Variants in PIEZO2 observed in about 807,000 individuals in gnomAD.
PIEZO2 encodes piezo-type mechanosensitive ion channel component 2.
A neutral mutation model predicts 337.3 loss-of-function variants in PIEZO2; 172 were observed. The observed-to-expected ratio is 0.51, with a 90% CI of 0.45 to 0.58. The LOEUF (loss-of-function observed/expected upper bound fraction) is 0.58. Among genes scored for constraint, PIEZO2 ranks in the 20% least tolerant of loss-of-function variants. PIEZO2 has a pLI of 0.00. For synonymous variants in PIEZO2, 1,251 were observed against 1,228.5 expected, an observed-to-expected ratio of 1.02 and a Z score of -0.38; for missense variants, 3,028 against 3,391.3, an observed-to-expected ratio of 0.89 and a Z score of 2.66.
chr18:10,840,071 G>C (rs76135616), intron 7 of PIEZO2, among the ~76,000 whole-genome samples: 8,840 of 152,186 alleles, frequency 0.058, 361 homozygotes, highest in Non-Finnish European at 0.084. Flanking sequence ...TATTGTGGTA[G>C]CATGACCTGA....
intron 1 of PIEZO2, among the ~76,000 whole-genome samples, chr18:11,086,769 T>A (rs965017515): frequency 1.4e-5 from 2 of 147,954 alleles, no homozygotes; most frequent in African/African-American, 2.5e-5. Context: ...TTTTTTTTTT[T>A]AACAGGAAGA....
At chr18:10,865,490 A>G (rs1370929423) in intron 5 of PIEZO2, among the ~76,000 whole-genome samples, 1 of 152,152 alleles carries the variant, frequency 6.6e-6, no homozygotes, top group Non-Finnish European at 1.5e-5. Flanking sequence ...AATTCAAAGG[A>G]TTTGTTGGTG....
chr18:10,813,259 G>A lies in PIEZO2; in HGVS notation c.918-5985C>T, dbSNP rs1391164889. Among the ~76,000 whole-genome samples, 1 of 152,200 alleles carries A rather than the reference G, an allele frequency of 6.6e-6. No individual in the cohort carries two copies. Among genetic ancestry groups the A allele is most frequent in the Admixed American group, 6.5e-5 (1 of 15,276 alleles). On this transcript the variant is annotated intron_variant, in intron 7 of 55. Coordinates refer to ENST00000674853, the MANE Select transcript of PIEZO2 (RefSeq NM_001378183.1). This position sits in a 1 kb window ranked among gnomAD's most constrained non-coding sequence, Gnocchi z 4.2. ...CTCCCAAAGTGCTGGCATTACAGGA[G>A]TGAGCCACCGCGCCCGGGCCATTTT...
In PIEZO2 at chr18:10,701,100, G is replaced by T. The variant is rs758108245; in HGVS notation, c.6441+889C>A. On this transcript the variant is annotated intron_variant, in intron 43 of 55. Coordinates refer to ENST00000674853, the MANE Select transcript of PIEZO2 (RefSeq NM_001378183.1). ...GTATGTATTAACTTATGCCAAGCCT[G>T]GTTCTAAAAAGGATTCTAGGGACTA... is the stretch of plus-strand genomic sequence containing the variant. Among the ~76,000 whole-genome samples the T allele has an allele frequency of 3.4e-4, 52 of 152,272 alleles. 2 individuals carry two copies. Among genetic ancestry groups the T allele is most frequent in the Admixed American group, 2.2e-3 (34 of 15,290 alleles).
At chr18:10,881,482 G>T (rs1247128273) in intron 4 of PIEZO2, among the ~76,000 whole-genome samples, 1 of 152,196 alleles carries the variant, frequency 6.6e-6, no homozygotes, top group Non-Finnish European at 1.5e-5. Flanking sequence ...GGGCCAAGGG[G>T]ACCATCACTT....
In PIEZO2 at chr18:10,714,989, T is replaced by C. The variant is rs778048485; in HGVS notation, c.5257-59A>G. ...GGAGGCATCTACCTGTATAGCCACC[T>C]GGCATTTCTCAACACAGACAGCTTT... On this transcript the variant is annotated intron_variant, in intron 38 of 55. Coordinates refer to ENST00000674853, the MANE Select transcript of PIEZO2 (RefSeq NM_001378183.1). The C allele has an allele frequency of 1.1e-4, 163 of 1,491,810 alleles. 1 individual carries two copies. Among genetic ancestry groups the C allele is most frequent in the Non-Finnish European group, 1.4e-4 (161 of 1,113,578 alleles). 92.4% of individuals were successfully genotyped at this position (1,491,810 alleles called of 1,614,324 possible). A position where few individuals can be genotyped will look rare whatever the true frequency, so the allele number is the denominator to read the frequency against.
chr18:10,681,034 C>A (rs576400009), intron 51 of PIEZO2, among the ~76,000 whole-genome samples: 2 of 152,152 alleles, frequency 1.3e-5, no homozygotes, highest in African/African-American at 4.8e-5. Context: ...AAAATAATAG[C>A]CTTTTTAAAA....
chr18:10,747,208 A>C (rs2037459196), intron 30 of PIEZO2, among the ~76,000 whole-genome samples: 1 of 152,210 alleles, frequency 6.6e-6, no homozygotes, highest in Non-Finnish European at 1.5e-5. Flanking sequence ...TTTGGGAAAA[A>C]GACACCGGGG....
chr18:10,801,387 A>G lies in PIEZO2; in HGVS notation c.1239+3T>C. 6.7e-7 allele frequency: 1 copy of G among 1,488,598 alleles called. No homozygotes were observed. The highest frequency in any genetic ancestry group is 9.1e-7 in the Non-Finnish European group (1 of 1,102,326). The allele number at this position is 1,488,598 out of a possible 1,614,324, so 92.2% of individuals were successfully genotyped here. On this transcript the variant is annotated splice_donor_region_variant and intron_variant, in intron 10 of 55. Transcript: ENST00000674853. ...TAAATGATAATTCTAAGGGTATACTAACATCAGATGGTTTGTAGTCATCCT... is the reference window on the plus strand; with the variant it reads ...TAAATGATAATTCTAAGGGTATACTGACATCAGATGGTTTGTAGTCATCCT...
intron 47 of PIEZO2, among the ~76,000 whole-genome samples, chr18:10,694,969 G>C (rs576766099): frequency 6.6e-5 from 10 of 152,328 alleles, no homozygotes; most frequent in Non-Finnish European, 1.2e-4. Flanking sequence ...GGCTCCCCAG[G>C]CCAGTGACGA....
chr18:11,140,842 A>G (rs1018716862), intron 1 of PIEZO2, among the ~76,000 whole-genome samples: 3 of 152,220 alleles, frequency 2.0e-5, no homozygotes, highest in Admixed American at 1.3e-4. Context: ...TCCTACACTC[A>G]GGCTAACTGG....
At chr18:11,085,364 C>T (rs879573619) in intron 1 of PIEZO2, among the ~76,000 whole-genome samples, 1 of 152,136 alleles carries the variant, frequency 6.6e-6, no homozygotes, top group African/African-American at 2.4e-5. Flanking sequence ...ACTCCAGTCA[C>T]CTGCTTGCCC....
At chr18:10,690,697 G>A (rs1466175571) in intron 48 of PIEZO2, among the ~76,000 whole-genome samples, 8 of 152,182 alleles carry the variant, frequency 5.3e-5, no homozygotes, top group South Asian at 2.1e-4. Flanking sequence ...ACAGAGAGGA[G>A]ATGCTACTGC....
intron 49 of PIEZO2, among the ~76,000 whole-genome samples, chr18:10,683,265 G>C (rs373055794): frequency 6.6e-6 from 1 of 152,250 alleles, no homozygotes; most frequent in Non-Finnish European, 1.5e-5. Flanking sequence ...CCAGGAGAGA[G>C]ACCTGGGAGT....
chr18:10,978,116 A>G (rs1450960044), intron 3 of PIEZO2, among the ~76,000 whole-genome samples: 1 of 152,126 alleles, frequency 6.6e-6, no homozygotes. Flanking sequence ...AGGTCAGGAG[A>G]TCGAGACCAT....
intron 7 of PIEZO2, among the ~76,000 whole-genome samples, chr18:10,817,920 C>CA (rs34222546): frequency 0.021 from 1,357 of 64,042 alleles, 18 homozygotes; most frequent in East Asian, 0.061. Context: ...AAGACTCTGT[C>CA]AAAAAAAAAA....
chr18:10,874,063 C>T (rs901558338), intron 4 of PIEZO2, among the ~76,000 whole-genome samples: 3 of 152,032 alleles, frequency 2.0e-5, no homozygotes, highest in Non-Finnish European at 4.4e-5. Context: ...TATTTGCAAA[C>T]TATCCAGCTG....
At chr18:10,981,436 A>G (rs2145495765) in intron 2 of PIEZO2, among the ~76,000 whole-genome samples, 1 of 152,352 alleles carries the variant, frequency 6.6e-6, no homozygotes, top group East Asian at 1.9e-4. Flanking sequence ...AAATCAATTA[A>G]TGTAATTCAC....
intron 5 of PIEZO2, among the ~76,000 whole-genome samples, chr18:10,860,421 T>G (rs936315288): frequency 3.3e-5 from 5 of 152,086 alleles, no homozygotes; most frequent in African/African-American, 1.2e-4. Flanking sequence ...TAGGATGCCT[T>G]CTCCAGCTCC....
Sources: allele counts gnomAD v4.1 joint callset (sites outside exome capture counted in the v4.1 genomes callset), GRCh38; gene constraint gnomAD v4.1.1; non-coding constraint Gnocchi (gnomAD v3.1); transcripts MANE v1.5; gene names NCBI Gene and HGNC (gene_info 2026-07-23, HGNC 2026-07-21).